AGBL4: variants seen among roughly 807,000 people sequenced by gnomAD.
AGBL4 encodes AGBL carboxypeptidase 4.
AGBL4 carries 58 observed loss-of-function variants against 66.4 expected under a neutral mutation model. The ratio of observed to expected loss-of-function variants is 0.87; its 90% CI spans 0.71 to 1.09. The LOEUF (loss-of-function observed/expected upper bound fraction) is 1.09, where lower values mean the gene tolerates loss of function less well. Among genes scored for constraint, AGBL4 ranks in the 50% least tolerant of loss-of-function variants. The pLI is 0.00. For missense variants in AGBL4, 579 were observed against 631.0 expected, an observed-to-expected ratio of 0.92 and a Z score of 0.88; for synonymous variants, 234 against 222.9, an observed-to-expected ratio of 1.05 and a Z score of -0.44.
At chr1:49,482,953 A>G (rs1449707311) in intron 3 of AGBL4, among the ~76,000 whole-genome samples, 1 of 151,996 alleles carries the variant, frequency 6.6e-6, no homozygotes, top group Non-Finnish European at 1.5e-5. Context: ...CTTAGTCTTG[A>G]CTTCTCATTT....
chr1:49,270,523 T>G (rs1053173262), intron 3 of AGBL4, among the ~76,000 whole-genome samples: 8 of 152,126 alleles, frequency 5.3e-5, no homozygotes, highest in African/African-American at 1.7e-4. Context: ...TGTTACAAAT[T>G]AACAGGTCTG....
intron 6 of AGBL4, among the ~76,000 whole-genome samples, chr1:48,816,643 T>A (rs1304900860): frequency 6.6e-6 from 1 of 152,160 alleles, no homozygotes; most frequent in East Asian, 1.9e-4. Flanking sequence ...GTCCCTATAA[T>A]CAATAAGAAA....
chr1:48,789,747 A>C (rs1432356626), intron 6 of AGBL4, among the ~76,000 whole-genome samples: 2 of 152,298 alleles, frequency 1.3e-5, no homozygotes, highest in South Asian at 2.1e-4. Flanking sequence ...AAGTCATAGG[A>C]AGAACTTTAA....
At chr1:48,881,556 A>G (rs1318295533) in intron 5 of AGBL4, among the ~76,000 whole-genome samples, 1 of 152,192 alleles carries the variant, frequency 6.6e-6, no homozygotes. Context: ...TTCCCTAAAT[A>G]ACAAGGCCCC....
At chr1:49,227,038 T>TA (rs1342351466) in intron 4 of AGBL4, among the ~76,000 whole-genome samples, 2 of 152,130 alleles carry the variant, frequency 1.3e-5, no homozygotes, top group African/African-American at 4.8e-5. Flanking sequence ...CCAAATTACC[T>TA]AATCACCTCC....
intron 3 of AGBL4, among the ~76,000 whole-genome samples, chr1:49,378,716 G>A (rs192935100): frequency 0.011 from 1,621 of 152,250 alleles, 5 homozygotes; most frequent in Middle Eastern, 0.02. Flanking sequence ...GAAGGCTTCT[G>A]TAGGAAAAGC....
the AGBL4 span, among the ~76,000 whole-genome samples, chr1:48,524,299 C>T: frequency 6.6e-6 from 1 of 151,220 alleles, no homozygotes; most frequent in East Asian, 2.0e-4. Context: ...AACCTTTAGT[C>T]AAGGCTGATC....
chr1:48,758,593 C>T (rs916300274), intron 6 of AGBL4, among the ~76,000 whole-genome samples: 16 of 152,340 alleles, frequency 1.1e-4, no homozygotes, highest in Admixed American at 6.5e-4. Flanking sequence ...TCCCTACGAT[C>T]CCTGTTACTG....
chr1:48,688,679 G>A (rs1010101058), intron 6 of AGBL4, among the ~76,000 whole-genome samples: 1 of 152,090 alleles, frequency 6.6e-6, no homozygotes. Context: ...ATGACACAAA[G>A]AGCATTCCTG....
intron 3 of AGBL4, among the ~76,000 whole-genome samples, chr1:49,496,415 G>T (rs1488838602): frequency 6.6e-6 from 1 of 151,732 alleles, no homozygotes; most frequent in Non-Finnish European, 1.5e-5. Flanking sequence ...TGATTTTAAA[G>T]AATACAATAC....
intron 6 of AGBL4, among the ~76,000 whole-genome samples, chr1:48,851,228 A>G (rs575477314): frequency 1.3e-5 from 2 of 152,330 alleles, no homozygotes; most frequent in South Asian, 4.1e-4. Context: ...TGAACTAAAT[A>G]GCCCAAAGCA....
At chr1:49,232,859 C>T (rs1276839136) in intron 4 of AGBL4, among the ~76,000 whole-genome samples, 1 of 151,826 alleles carries the variant, frequency 6.6e-6, no homozygotes, top group Non-Finnish European at 1.5e-5. Flanking sequence ...AAAAAGAACA[C>T]ACAAAAAAGA....
chr1:49,302,662 T>TA (rs1196772237), intron 3 of AGBL4, among the ~76,000 whole-genome samples: 1 of 147,262 alleles, frequency 6.8e-6, no homozygotes, highest in Non-Finnish European at 1.5e-5. Flanking sequence ...TATTTTATTT[T>TA]ATTTTATTTT....
chr1:49,210,122 G>A (rs1247358956), intron 4 of AGBL4, among the ~76,000 whole-genome samples: 1 of 152,066 alleles, frequency 6.6e-6, no homozygotes, highest in African/African-American at 2.4e-5. Flanking sequence ...TGTCCAGATT[G>A]TGCCAGCTAG....
At chr1:49,211,919 C>T (rs755211429) in intron 4 of AGBL4, among the ~76,000 whole-genome samples, 15 of 152,222 alleles carry the variant, frequency 9.9e-5, no homozygotes, top group African/African-American at 2.4e-4. Context: ...ATTTGCTACA[C>T]GACTATTGTG....
intron 3 of AGBL4, among the ~76,000 whole-genome samples, chr1:49,560,390 TAGTG>T: frequency 6.6e-6 from 1 of 151,694 alleles, no homozygotes; most frequent in East Asian, 1.9e-4. Context: ...AAGAAAAAAT[TAGTG>T]AGCCTGAAGA....
At chr1:49,707,947 G>A (rs534886845) in intron 2 of AGBL4, among the ~76,000 whole-genome samples, 2 of 152,146 alleles carry the variant, frequency 1.3e-5, no homozygotes, top group Non-Finnish European at 2.9e-5. Context: ...GCTTCCTTGT[G>A]TAGGTAACCT....
intron 3 of AGBL4, among the ~76,000 whole-genome samples, chr1:49,333,721 A>C (rs887250993): frequency 6.6e-6 from 1 of 152,190 alleles, no homozygotes; most frequent in Non-Finnish European, 1.5e-5. Context: ...CCTTATAATA[A>C]ATTTAAAATT....
chr1:49,833,468 C>T (rs544294576), intron 2 of AGBL4, among the ~76,000 whole-genome samples: 70 of 152,176 alleles, frequency 4.6e-4, no homozygotes, highest in Middle Eastern at 6.8e-3. Flanking sequence ...ATTGACTTGG[C>T]GATGCGGGCT....
Sources: gnomAD v4.1 joint callset for allele counts (sites outside exome capture counted in the v4.1 genomes callset) on GRCh38, gnomAD v4.1.1 for gene constraint, MANE v1.5 for transcripts, NCBI Gene and HGNC (gene_info 2026-07-23, HGNC 2026-07-21) for gene names.